GNAQ: variants seen among roughly 807,000 people sequenced by gnomAD.
The protein encoded by GNAQ is guanine nucleotide-binding protein G(q) subunit alpha.
In GNAQ, 8 loss-of-function variants were observed where a neutral mutation model predicts 43.9. The ratio of observed to expected loss-of-function variants is 0.18; its 90% CI spans 0.11 to 0.33. GNAQ has a LOEUF of 0.33. Among genes scored for constraint, GNAQ ranks in the 10% least tolerant of loss-of-function variants. The probability of loss-of-function intolerance (pLI) is 1.00; values close to 1 mark genes in which losing one functional copy is unlikely to be tolerated. For synonymous variants in GNAQ, 155 were observed against 170.7 expected, an observed-to-expected ratio of 0.91 and a Z score of 0.71; for missense variants, 158 against 450.8, an observed-to-expected ratio of 0.35 and a Z score of 5.88.
At chr9:77,852,142 G>A (rs1023563202) in intron 2 of GNAQ, among the ~76,000 whole-genome samples, 1 of 152,190 alleles carries the variant, frequency 6.6e-6, no homozygotes, top group Non-Finnish European at 1.5e-5. Context: ...CAGGGGCAGG[G>A]TTGGTTTGCC....
intron 2 of GNAQ, among the ~76,000 whole-genome samples, chr9:77,897,965 T>C (rs1161633695): frequency 7.0e-6 from 1 of 143,080 alleles, no homozygotes; most frequent in Non-Finnish European, 1.5e-5. Context: ...AAAAAAGCAA[T>C]GCAAGAAATC....
intron 2 of GNAQ, among the ~76,000 whole-genome samples, chr9:77,880,859 C>CA: frequency 6.6e-6 from 1 of 152,234 alleles, no homozygotes; most frequent in African/African-American, 2.4e-5. Context: ...TCTGTCCCTG[C>CA]ATGACAGGTT....
intron 1 of GNAQ, among the ~76,000 whole-genome samples, chr9:78,005,662 A>G (rs1187652398): frequency 6.6e-6 from 1 of 152,134 alleles, no homozygotes; most frequent in Non-Finnish European, 1.5e-5. Context: ...TGATCCTCCC[A>G]ACAAACTTGG....
At chr9:77,835,420 GAGGAA>G (rs928679232) in intron 2 of GNAQ, among the ~76,000 whole-genome samples, 2 of 152,116 alleles carry the variant, frequency 1.3e-5, no homozygotes, top group African/African-American at 4.8e-5. Context: ...AGAGGCTAGT[GAGGAA>G]AGGAAATCTA....
rs12349676 is a variant in GNAQ at position 77,774,669 on chromosome 9, T to G, written c.735+19794A>C. ...GTAGAGACAGGGTCTCACTCTGTTGTCCAGGTTGGACTCCAACTCCTAGCC... is the reference window on the plus strand; with the variant it reads ...GTAGAGACAGGGTCTCACTCTGTTGGCCAGGTTGGACTCCAACTCCTAGCC... On this transcript the variant is annotated intron_variant, in intron 5 of 6. Coordinates refer to ENST00000286548, the MANE Select transcript of GNAQ (RefSeq NM_002072.5). Among the ~76,000 whole-genome samples the G allele has an allele frequency of 7.0e-3, 1,062 of 152,246 alleles. 7 individuals carry two copies. The highest frequency in any genetic ancestry group is 0.022 in the African/African-American group (923 of 41,546).
chr9:77,783,238 A>C (rs75693053), intron 5 of GNAQ, among the ~76,000 whole-genome samples: 1,843 of 152,320 alleles, frequency 0.012, 36 homozygotes, highest in African/African-American at 0.041. Flanking sequence ...CATGTGGGGT[A>C]GAAGATACAG....
chr9:77,797,126 G>A (rs1462894247), intron 4 of GNAQ, among the ~76,000 whole-genome samples: 1 of 151,962 alleles, frequency 6.6e-6, no homozygotes. Context: ...TTCGCCTCCT[G>A]GGTTCAAGTG....
chr9:78,019,647 G>T (rs1254789052), intron 1 of GNAQ, among the ~76,000 whole-genome samples: 1 of 152,098 alleles, frequency 6.6e-6, no homozygotes, highest in Non-Finnish European at 1.5e-5. Context: ...TTTAGGCCAG[G>T]TGCGGTGGCT....
chr9:77,839,835 T>C (rs531018390), intron 2 of GNAQ, among the ~76,000 whole-genome samples: 10 of 152,350 alleles, frequency 6.6e-5, no homozygotes, highest in African/African-American at 2.4e-4. Flanking sequence ...ATAAGAACTA[T>C]GTATCTAATT....
intron 1 of GNAQ, among the ~76,000 whole-genome samples, chr9:77,947,119 G>A (rs139176661): frequency 6.6e-6 from 1 of 152,188 alleles, no homozygotes; most frequent in East Asian, 1.9e-4. Flanking sequence ...CCCCATTCTT[G>A]TCCTTTAAGT....
At chr9:77,918,800 C>T (rs1183352651) in intron 2 of GNAQ, among the ~76,000 whole-genome samples, 4 of 152,114 alleles carry the variant, frequency 2.6e-5, no homozygotes, top group African/African-American at 9.7e-5. Flanking sequence ...TTTCTGTATC[C>T]CTGACAGTAT....
chr9:77,835,645 A>G (rs1827372315), intron 2 of GNAQ, among the ~76,000 whole-genome samples: 1 of 152,202 alleles, frequency 6.6e-6, no homozygotes, highest in Admixed American at 6.5e-5. Flanking sequence ...CAGAGTATGC[A>G]TTTAATCTAT....
At chr9:77,950,511 A>C (rs1457474422) in intron 1 of GNAQ, among the ~76,000 whole-genome samples, 2 of 152,202 alleles carry the variant, frequency 1.3e-5, no homozygotes, top group Non-Finnish European at 2.9e-5. Context: ...CCATCTACTA[A>C]AGTTCCAATA....
At chr9:77,732,519 C>G (rs1289910685) in intron 5 of GNAQ, among the ~76,000 whole-genome samples, 1 of 152,124 alleles carries the variant, frequency 6.6e-6, no homozygotes, top group African/African-American at 2.4e-5. Flanking sequence ...GTGTCCGCCA[C>G]CACACCTGGC....
chr9:77,998,764 T>A (rs1182404974), intron 1 of GNAQ, among the ~76,000 whole-genome samples: 1 of 152,102 alleles, frequency 6.6e-6, no homozygotes, highest in Non-Finnish European at 1.5e-5. Context: ...CAAATGTATT[T>A]ACTAACTGTA....
rs1485420361 is a variant in GNAQ at position 77,723,614 on chromosome 9, A to T, written c.890-2101T>A. Among the ~76,000 whole-genome samples the T allele has an allele frequency of 2.0e-5, 3 of 152,270 alleles. No individual in the cohort carries two copies. In the East Asian group the frequency reaches 5.8e-4, roughly 29 times the overall value. On this transcript the variant is annotated intron_variant, in intron 6 of 6. Transcript: ENST00000286548. ...AAAGAATATTATTCAGCCATAAAAAAGAGTAAAGCTCTGACAGATGCTGTA... is the reference window on the plus strand; with the variant it reads ...AAAGAATATTATTCAGCCATAAAAATGAGTAAAGCTCTGACAGATGCTGTA...
chr9:77,802,343 A>T (rs545620641), intron 3 of GNAQ, among the ~76,000 whole-genome samples: 2 of 152,170 alleles, frequency 1.3e-5, no homozygotes, highest in African/African-American at 2.4e-5. Context: ...CCAGGGAAAA[A>T]GGGAACTTTG....
intron 2 of GNAQ, among the ~76,000 whole-genome samples, chr9:77,863,770 T>C (rs541331642): frequency 6.6e-6 from 1 of 152,224 alleles, no homozygotes; most frequent in South Asian, 2.1e-4. Context: ...GAGCAAGTCA[T>C]GTCTTACATG....
intron 6 of GNAQ, among the ~76,000 whole-genome samples, chr9:77,727,661 C>A (rs1371836710): frequency 1.3e-5 from 2 of 152,170 alleles, no homozygotes; most frequent in Non-Finnish European, 2.9e-5. Flanking sequence ...AAGTGTCCTA[C>A]GTGTCAGGCA....
Sources: gnomAD v4.1 joint callset for allele counts (sites outside exome capture counted in the v4.1 genomes callset) on GRCh38, gnomAD v4.1.1 for gene constraint, MANE v1.5 for transcripts, NCBI Gene and HGNC (gene_info 2026-07-23, HGNC 2026-07-21) for gene names.